Variants in SLC9A9 observed in about 807,000 individuals in gnomAD.
The protein encoded by SLC9A9 is solute carrier family 9 member A9, also known as sodium/hydrogen exchanger 9.
SLC9A9 carries 62 observed loss-of-function variants against 77.8 expected under a neutral mutation model. The observed-to-expected ratio is 0.80, with a 90% confidence interval of 0.65 to 0.98. SLC9A9 has a LOEUF of 0.98. Ranked by LOEUF, SLC9A9 falls within the 50% of genes least tolerant of loss-of-function variation. SLC9A9 has a pLI of 0.00. For missense variants in SLC9A9, 775 were observed against 774.9 expected (o/e 1.00, Z 0.00); for synonymous variants, 320 against 283.5 (o/e 1.13, Z -1.29).
chr3:143,349,372 C>A (rs1350779952), intron 14 of SLC9A9, among the ~76,000 whole-genome samples: 1 of 152,138 alleles, frequency 6.6e-6, no homozygotes. Flanking sequence ...TAGCCTCATC[C>A]CACAGAACTA....
chr3:143,276,540 A>C (rs1938052895), intron 14 of SLC9A9, among the ~76,000 whole-genome samples: 1 of 152,196 alleles, frequency 6.6e-6, no homozygotes, highest in Admixed American at 6.5e-5. Context: ...CTGATCTTCT[A>C]TCTTTGTTGA....
intron 4 of SLC9A9, among the ~76,000 whole-genome samples, chr3:143,747,481 G>C (rs1321537788): frequency 2.0e-5 from 3 of 151,636 alleles, no homozygotes; most frequent in Non-Finnish European, 4.4e-5. Context: ...AGATGACCCT[G>C]AATTATTCAG....
Position 143,449,605 on chromosome 3 carries a change from AATATAATAATTAT to A in SLC9A9, c.1469+17419_1469+17431del, listed in dbSNP as rs1460353051. Reference sequence around the variant, plus strand: ...AATTATATAAAATATAATTATATAAAATATAATAATTATATAATTATATAAAATATAATTATAT... The same window carrying A: ...AATTATATAAAATATAATTATATAAAATAATTATATAAAATATAATTATAT... On this transcript the variant is annotated intron_variant, in intron 12 of 15. Transcript: ENST00000316549. 2.5e-3 allele frequency among the ~76,000 whole-genome samples: 27 copies of A among 10,808 alleles called. 3 individuals carry two copies. The highest frequency in any genetic ancestry group is 7.3e-3 in the African/African-American group (11 of 1,506). The allele number at this position is 10,808 out of a possible 152,430, so 7.1% of individuals were successfully genotyped here. A position where few individuals can be genotyped will look rare whatever the true frequency, so the allele number is the denominator to read the frequency against.
chr3:143,798,887 T>C (rs1000739839), intron 2 of SLC9A9, among the ~76,000 whole-genome samples: 32 of 152,114 alleles, frequency 2.1e-4, no homozygotes, highest in Non-Finnish European at 4.6e-4. Flanking sequence ...CCAATTTTCC[T>C]TTTCTACAGA....
chr3:143,486,625 C>T (rs1172818853), intron 11 of SLC9A9, among the ~76,000 whole-genome samples: 1 of 152,084 alleles, frequency 6.6e-6, no homozygotes, highest in East Asian at 1.9e-4. Flanking sequence ...AATTCTGTAA[C>T]ATCAACAGCC....
At chr3:143,631,194 G>A (rs1393557469) in intron 6 of SLC9A9, among the ~76,000 whole-genome samples, 1 of 152,100 alleles carries the variant, frequency 6.6e-6, no homozygotes, top group African/African-American at 2.4e-5. Flanking sequence ...ACTGATGAGA[G>A]GCCAAGTGCC....
At chr3:143,489,737 G>T (rs1295279703) in intron 11 of SLC9A9, among the ~76,000 whole-genome samples, 2 of 151,892 alleles carry the variant, frequency 1.3e-5, no homozygotes, top group Non-Finnish European at 2.9e-5. Flanking sequence ...GAGTAAAAAA[G>T]GCAGCTCATG....
chr3:143,431,514 G>A (rs148712440), intron 12 of SLC9A9, among the ~76,000 whole-genome samples: 3,148 of 139,560 alleles, frequency 0.023, 60 homozygotes, highest in Non-Finnish European at 0.029. Context: ...ATGGAGTCTC[G>A]CTCTGTCACC....
At chr3:143,558,998 G>C (rs1379818213) in intron 8 of SLC9A9, among the ~76,000 whole-genome samples, 1 of 152,088 alleles carries the variant, frequency 6.6e-6, no homozygotes, top group African/African-American at 2.4e-5. Context: ...CCCCCATGCT[G>C]TTCTCATGAT....
At chr3:143,411,602 T>A (rs1459246242) in intron 12 of SLC9A9, among the ~76,000 whole-genome samples, 2 of 152,198 alleles carry the variant, frequency 1.3e-5, no homozygotes, top group Non-Finnish European at 2.9e-5. Context: ...TTCAGAAATA[T>A]CATTCTTAGT....
chr3:143,399,218 G>A (rs2033796933), intron 12 of SLC9A9, among the ~76,000 whole-genome samples: 1 of 152,054 alleles, frequency 6.6e-6, no homozygotes, highest in Admixed American at 6.6e-5. Context: ...GGGTAAGCTA[G>A]GAAGCTGCTA....
chr3:143,595,408 G>A (rs1311071528), intron 6 of SLC9A9, among the ~76,000 whole-genome samples: 1 of 152,178 alleles, frequency 6.6e-6, no homozygotes, highest in African/African-American at 2.4e-5. Context: ...GAAATGCTTT[G>A]ACTTCTTATG....
intron 13 of SLC9A9, among the ~76,000 whole-genome samples, chr3:143,376,867 G>A (rs1379142494): frequency 6.6e-6 from 1 of 152,096 alleles, no homozygotes; most frequent in Non-Finnish European, 1.5e-5. Context: ...CATTACAAAA[G>A]CTCTCACCTG....
intron 14 of SLC9A9, among the ~76,000 whole-genome samples, chr3:143,318,345 TAAGC>T (rs995308272): frequency 1.3e-5 from 2 of 152,198 alleles, no homozygotes; most frequent in African/African-American, 2.4e-5. Context: ...ATAAAATAGA[TAAGC>T]AAGTATTTTT....
chr3:143,373,655 A>G (rs1258115598), intron 13 of SLC9A9, among the ~76,000 whole-genome samples: 1 of 151,760 alleles, frequency 6.6e-6, no homozygotes, highest in Non-Finnish European at 1.5e-5. Context: ...CCTGGAACCA[A>G]GAAGTACAAT....
intron 14 of SLC9A9, among the ~76,000 whole-genome samples, chr3:143,292,054 C>T (rs1330933920): frequency 6.6e-6 from 1 of 152,186 alleles, no homozygotes; most frequent in African/African-American, 2.4e-5. Context: ...CTGGTCTAAC[C>T]TGCTACTCCA....
At chr3:143,619,680 C>A (rs1335097496) in intron 6 of SLC9A9, among the ~76,000 whole-genome samples, 1 of 152,186 alleles carries the variant, frequency 6.6e-6, no homozygotes, top group Non-Finnish European at 1.5e-5. Flanking sequence ...TCTCATTAAT[C>A]TCCACTCTTT....
chr3:143,402,292 TGAG>T (rs1408478009), intron 12 of SLC9A9, among the ~76,000 whole-genome samples: 3 of 152,328 alleles, frequency 2.0e-5, no homozygotes, highest in East Asian at 1.9e-4. Flanking sequence ...TAGACTTTTA[TGAG>T]AAGATTTAAG....
intron 5 of SLC9A9, among the ~76,000 whole-genome samples, chr3:143,689,299 T>C (rs1933379939): frequency 6.6e-6 from 1 of 152,142 alleles, no homozygotes; most frequent in Non-Finnish European, 1.5e-5. Flanking sequence ...TTCAACACCA[T>C]ACATAATTGC....
Sources: gnomAD v4.1 joint callset for allele counts (sites outside exome capture counted in the v4.1 genomes callset) on GRCh38, gnomAD v4.1.1 for gene constraint, MANE v1.5 for transcripts, NCBI Gene and HGNC (gene_info 2026-07-23, HGNC 2026-07-21) for gene names.